EPB41L3: variants seen among roughly 807,000 people sequenced by gnomAD.
EPB41L3 encodes the protein band 4.1-like protein 3.
Under a neutral mutation model 127.1 loss-of-function variants are expected in EPB41L3, and 57 were observed. That is an observed-to-expected ratio of 0.45 (90% CI 0.36 to 0.56). EPB41L3 has a LOEUF of 0.56. EPB41L3 is among the 20% of genes least tolerant of loss of function. The probability of loss-of-function intolerance (pLI) is 0.00; values close to 1 mark genes in which losing one functional copy is unlikely to be tolerated. For synonymous variants in EPB41L3, 572 were observed against 549.5 expected, an observed-to-expected ratio of 1.04 and a Z score of -0.57; for missense variants, 1,273 against 1,372.2, an observed-to-expected ratio of 0.93 and a Z score of 1.14.
intron 16 of EPB41L3, 143 bp from the exon 17 acceptor site, chr18:5,398,286 G>A (rs1043694316): frequency 2.6e-5 from 24 of 923,074 alleles, no homozygotes; most frequent in African/African-American, 2.3e-4. Flanking sequence ...GTTTGGAAAC[G>A]AAAAGAATGG....
chr18:5,507,041 T>G (rs1472736736), intron 1 of EPB41L3, among the ~76,000 whole-genome samples: 1 of 152,174 alleles, frequency 6.6e-6, no homozygotes, highest in Non-Finnish European at 1.5e-5. Flanking sequence ...ACCTATTAAG[T>G]GTGCGTGTAA....
intron 3 of EPB41L3, among the ~76,000 whole-genome samples, chr18:5,473,930 A>G (rs920421888): frequency 2.0e-5 from 3 of 152,124 alleles, no homozygotes; most frequent in Non-Finnish European, 4.4e-5. Context: ...TTGAAAAAAA[A>G]TTAGTGAGGA....
chr18:5,395,431 G>A (rs7229903), intron 20 of EPB41L3, among the ~76,000 whole-genome samples, 178 bp downstream of exon 20: 6,295 of 152,244 alleles, frequency 0.041, 425 homozygotes, highest in African/African-American at 0.14. Context: ...GAACTCGCAC[G>A]TGAGGACAAG....
At chr18:5,570,245 A>C (rs2149250615) in intron 3 of EPB41L3, 1 of 152,286 alleles carries the variant, frequency 6.6e-6, no homozygotes, top group African/African-American at 2.4e-5. Flanking sequence ...ATTTAGAATG[A>C]GAATACATGG....
intron 1 of EPB41L3, among the ~76,000 whole-genome samples, chr18:5,518,849 C>A (rs929451776): frequency 3.3e-5 from 5 of 152,162 alleles, no homozygotes; most frequent in African/African-American, 1.2e-4. Context: ...TTTACATGGA[C>A]AAGTATTTGC....
chr18:5,493,506 T>G (rs1029282245), intron 1 of EPB41L3, among the ~76,000 whole-genome samples: 2 of 152,090 alleles, frequency 1.3e-5, no homozygotes, highest in African/African-American at 4.8e-5. Context: ...CTAAAAACCA[T>G]CAGTTGCTAG....
At chr18:5,461,658 C>T (rs185740697) in intron 3 of EPB41L3, among the ~76,000 whole-genome samples, 1 of 152,254 alleles carries the variant, frequency 6.6e-6, no homozygotes. Flanking sequence ...CTAGGCAATG[C>T]TAACAAAATA....
At chr18:5,536,185 T>C (rs1299387394) in intron 1 of EPB41L3, among the ~76,000 whole-genome samples, 1 of 152,120 alleles carries the variant, frequency 6.6e-6, no homozygotes, top group African/African-American at 2.4e-5. Flanking sequence ...TTGTTTTAGT[T>C]TGTTAGAACT....
intron 3 of EPB41L3, among the ~76,000 whole-genome samples, chr18:5,449,374 T>C (rs568199242): frequency 6.6e-6 from 1 of 152,236 alleles, no homozygotes. Context: ...CTCTTATTCA[T>C]TGCTGACAAG....
intron 3 of EPB41L3, among the ~76,000 whole-genome samples, chr18:5,592,333 AT>A (rs2094493513): frequency 1.3e-5 from 2 of 152,030 alleles, no homozygotes; most frequent in Admixed American, 1.3e-4. Flanking sequence ...TGCCTGGCTA[AT>A]TTTTGTACTT....
intron 3 of EPB41L3, among the ~76,000 whole-genome samples, chr18:5,587,828 A>T (rs2094453624): frequency 6.6e-6 from 1 of 152,224 alleles, no homozygotes; most frequent in Non-Finnish European, 1.5e-5. Flanking sequence ...ATTTGGTATG[A>T]CATGAAAATA....
chr18:5,444,096 G>A (rs936464279), intron 4 of EPB41L3, among the ~76,000 whole-genome samples: 1 of 152,200 alleles, frequency 6.6e-6, no homozygotes, highest in Admixed American at 6.5e-5. Flanking sequence ...TATGCAGTTT[G>A]GGCCTGACAA....
At chr18:5,529,441 A>T (rs1396919460) in intron 1 of EPB41L3, among the ~76,000 whole-genome samples, 2 of 151,992 alleles carry the variant, frequency 1.3e-5, no homozygotes, top group African/African-American at 4.8e-5. Context: ...GCCCTAGCCC[A>T]CTGCAGCCTG....
chr18:5,477,318 A>G (rs1200910333), intron 3 of EPB41L3, among the ~76,000 whole-genome samples: 2 of 152,194 alleles, frequency 1.3e-5, no homozygotes, highest in Non-Finnish European at 2.9e-5. Context: ...CCTGGGACAG[A>G]GTCTCAGCAC....
chr18:5,395,471 T>C, intron 20 of EPB41L3, 138 bp downstream of exon 20: 1 of 753,518 alleles, frequency 1.3e-6, no homozygotes, highest in Non-Finnish European at 2.3e-6. Flanking sequence ...CTGTAAAAGC[T>C]CCCCTTGCAG....
chr18:5,433,581 AATG>A (rs2079300789), intron 7 of EPB41L3, 25 bp from the exon 8 acceptor site: 2 of 1,587,734 alleles, frequency 1.3e-6, no homozygotes, highest in South Asian at 2.2e-5. Flanking sequence ...AATATGTTAC[AATG>A]ATGCTTTTCC....
chr18:5,473,696 A>G lies in EPB41L3; in HGVS notation c.381+4545T>C, dbSNP rs564114857. Among the ~76,000 whole-genome samples the G allele has an allele frequency of 7.2e-5, 11 of 152,224 alleles. No individual in the cohort carries two copies. The South Asian group carries it at 1.7e-3, about 23-fold the overall frequency. ...GCATGGAACAGAGATATTTTTATTT[A>G]TTTTCTCTTTTAAAATGTAGTTTGA... On this transcript the variant is annotated intron_variant, in intron 3 of 22. Coordinates refer to ENST00000341928, the MANE Select transcript of EPB41L3 (RefSeq NM_012307.5).
chr18:5,456,432 G>A (rs1371829277), intron 3 of EPB41L3, among the ~76,000 whole-genome samples: 2 of 152,118 alleles, frequency 1.3e-5, no homozygotes, highest in African/African-American at 2.4e-5. Flanking sequence ...AAATTAAAAT[G>A]ATCTTATAAT....
chr18:5,462,897 C>T (rs989646947), intron 3 of EPB41L3, among the ~76,000 whole-genome samples: 7 of 152,158 alleles, frequency 4.6e-5, no homozygotes, highest in African/African-American at 1.7e-4. Context: ...AAATTCAACG[C>T]ATCTAAGTTA....
Sources: gnomAD v4.1 joint callset for allele counts (sites outside exome capture counted in the v4.1 genomes callset) on GRCh38, gnomAD v4.1.1 for gene constraint, MANE v1.5 for transcripts, NCBI Gene and HGNC (gene_info 2026-07-23, HGNC 2026-07-21) for gene names.